The following SYS1 variants were observed in gnomAD, a reference collection of about 807,000 sequenced individuals.
SYS1 encodes protein SYS1 homolog.
A neutral mutation model predicts 17.8 loss-of-function variants in SYS1; 8 were observed. The observed-to-expected ratio is 0.45, with a 90% CI of 0.26 to 0.81. The LOEUF is 0.81. Ranked by LOEUF, SYS1 falls within the 40% of genes least tolerant of loss-of-function variation. SYS1 has a pLI of 0.16. For missense variants in SYS1, 161 were observed against 203.9 expected, an observed-to-expected ratio of 0.79 and a Z score of 1.28; for synonymous variants, 95 against 90.9, an observed-to-expected ratio of 1.05 and a Z score of -0.26.
Position 45,368,174 on chromosome 20 carries a change from A to G in SYS1, c.*1059A>G. The G allele has an allele frequency of 1.0e-6, 1 of 985,412 alleles. No individual in the cohort carries two copies. The highest frequency in any genetic ancestry group is 1.7e-5 in the African/African-American group (1 of 57,348). 61.0% of individuals were successfully genotyped at this position (985,412 alleles called of 1,614,324 possible). On this transcript the variant is annotated 3_prime_UTR_variant, in exon 4 of 4. Coordinates refer to ENST00000243918, the MANE Select transcript of SYS1 (RefSeq NM_033542.4). ...GAGATTGAGAGAGATCAGCGCAGCC[A>G]GGCAAGGGAACTTTAAAGAATTATT...
intron 2 of SYS1, 118 bp downstream of exon 2, chr20:45,363,811 A>G (rs563783689): frequency 1.7e-6 from 2 of 1,155,220 alleles, no homozygotes; most frequent in African/African-American, 1.5e-5. Flanking sequence ...GCCCTGGGAA[A>G]GGGATTTCAC....
chr20:45,373,784 T>TG, downstream of SYS1: 1 of 776,638 alleles, frequency 1.3e-6, no homozygotes, highest in South Asian at 1.6e-5. Flanking sequence ...GGGGTGGGGG[T>TG]GGGGGAAGCC....
Position 45,367,025 on chromosome 20 carries a change from T to G in SYS1, c.381T>G (p.Ile127Met). 6.2e-7 allele frequency: 1 copy of G among 1,614,192 alleles called. No homozygotes were observed. Among genetic ancestry groups the G allele is most frequent in the Non-Finnish European group, 8.5e-7 (1 of 1,180,036 alleles). ...GGTGGCTGGTCCAAGCCGTGTGCAT[T>G]GCACTCATGGCTGTCATCGGGGAGT... is the stretch of plus-strand genomic sequence containing the variant. ...LTWWLVQAVC[I>M]ALMAVIGEYL... Residue 127 changes from isoleucine to methionine, a missense_variant, in exon 4 of 4, where the codon ATT becomes ATG. By Grantham distance (10) the Ile-to-Met change is conservative. Transcript: ENST00000243918.
At chr20:45,374,591 T>C (rs958579188) in exon 4 of SYS1, 1 of 464,276 alleles carries the variant, frequency 2.2e-6, no homozygotes, top group South Asian at 4.8e-5. Context: ...TAAATCTTAT[T>C]TGAGGCATGA....
intron 1 of SYS1, 26 bp downstream of exon 1, chr20:45,363,341 G>A: frequency 7.0e-7 from 1 of 1,422,316 alleles, no homozygotes; most frequent in South Asian, 1.5e-5. Context: ...AGGAGCTCGT[G>A]TACGGGCGGG....
chr20:45,363,353 GC>G (rs1988284921), intron 1 of SYS1, 38 bp downstream of exon 1: 2 of 1,425,946 alleles, frequency 1.4e-6, no homozygotes, highest in Admixed American at 2.8e-5. Context: ...ACGGGCGGGG[GC>G]CGCGCAGGCG....
In SYS1 at chr20:45,368,306, T is replaced by G. The variant is rs1988484045; in HGVS notation, c.*1191T>G. On this transcript the variant is annotated 3_prime_UTR_variant, in exon 4 of 4. Coordinates refer to ENST00000243918, the MANE Select transcript of SYS1 (RefSeq NM_033542.4). ...TGTCTCCTTCACTTGCAGCGTCCCC[T>G]GCTATGCCTCAGGTGAACCACATAA... 1 of 985,354 alleles carries G rather than the reference T, an allele frequency of 1.0e-6. No homozygotes were observed. The allele number at this position is 985,354 out of a possible 1,614,324, so 61.0% of individuals were successfully genotyped here. A position where few individuals can be genotyped will look rare whatever the true frequency, so the allele number is the denominator to read the frequency against.
At chr20:45,371,624 G>A (rs565784175), downstream of SYS1, among the ~76,000 whole-genome samples, 95 of 152,306 alleles carry the variant, frequency 6.2e-4, 1 homozygote, top group South Asian at 3.5e-3. Context: ...TGCTTTTCAC[G>A]TTCCAGTTAT....
downstream of SYS1, among the ~76,000 whole-genome samples, chr20:45,370,238 T>C (rs903846147): frequency 6.6e-6 from 1 of 152,048 alleles, no homozygotes; most frequent in African/African-American, 2.4e-5. Flanking sequence ...TGGCCAGAGA[T>C]TTTCAGATGA....
At position 45,367,554 on chromosome 20, in the gene SYS1, G is replaced by A. The variant is rs1198289305; in HGVS notation, c.*439G>A. 1 of 996,182 alleles carries A rather than the reference G, an allele frequency of 1.0e-6. No individual in the cohort carries two copies. Among genetic ancestry groups the A allele is most frequent in the Non-Finnish European group, 1.2e-6 (1 of 835,728 alleles). The allele number at this position is 996,182 out of a possible 1,614,324, so 61.7% of individuals were successfully genotyped here. ...TCACAGCAGTTACCTTTGCAGTGTT[G>A]CCGAATCACAGCAGTTCTGTTGGAG... is the stretch of plus-strand genomic sequence containing the variant. On this transcript the variant is annotated 3_prime_UTR_variant, in exon 4 of 4. Transcript: ENST00000243918.
exon 4 of SYS1, chr20:45,376,746 G>C (rs1988745176): frequency 6.7e-6 from 1 of 149,354 alleles, no homozygotes; most frequent in Non-Finnish European, 1.5e-5. Context: ...GTTTGAACTT[G>C]TCTCGGAGGC....
chr20:45,368,780 C>T lies in SYS1; in HGVS notation c.*1665C>T. On this transcript the variant is annotated 3_prime_UTR_variant, in exon 4 of 4. Transcript: ENST00000243918. ...TGACCTTCCCTGGGTTAATCAATTT[C>T]CCTCTAGACAACACAAACTGCAGGC... The T allele has an allele frequency of 1.0e-6, 1 of 985,390 alleles. No homozygotes were observed. 61.0% of individuals were successfully genotyped at this position (985,390 alleles called of 1,614,324 possible). A position where few individuals can be genotyped will look rare whatever the true frequency, so the allele number is the denominator to read the frequency against.
chr20:45,372,083 T>G (rs528377463), downstream of SYS1, among the ~76,000 whole-genome samples: 1 of 152,314 alleles, frequency 6.6e-6, no homozygotes, highest in South Asian at 2.1e-4. Flanking sequence ...CCTCCCCAAA[T>G]CTGTGTTACT....
intron 1 of SYS1, 87 bp downstream of exon 1, chr20:45,363,402 TG>T (rs1988286584): frequency 1.4e-6 from 2 of 1,443,620 alleles, no homozygotes; most frequent in Non-Finnish European, 9.1e-7. Context: ...AGAATGGGTC[TG>T]TCTGCCCCGC....
intron 2 of SYS1, 120 bp from the exon 3 acceptor site, chr20:45,365,499 T>G (rs759708917): frequency 1.1e-6 from 1 of 912,616 alleles, no homozygotes; most frequent in Non-Finnish European, 1.9e-6. Context: ...CGTACAGATG[T>G]AGGGAGGTAT....
At chr20:45,374,599 T>A in exon 4 of SYS1, 2 of 460,642 alleles carry the variant, frequency 4.3e-6, no homozygotes, top group Non-Finnish European at 7.6e-6. Context: ...ATTTGAGGCA[T>A]GAATCAATCA....
At chr20:45,363,382 C>G in intron 1 of SYS1, 67 bp downstream of exon 1, 3 of 1,433,588 alleles carry the variant, frequency 2.1e-6, no homozygotes, top group Non-Finnish European at 2.7e-6. Flanking sequence ...CTGGATTTCC[C>G]CTCACTCTGA....
At position 45,363,157 on chromosome 20, in the gene SYS1, T is replaced by G; in HGVS notation, c.-162T>G. On this transcript the variant is annotated 5_prime_UTR_variant, in exon 1 of 4. Transcript: ENST00000243918. ...CCGCTGCTTTCCCCGGAAACGTTTC[T>G]TTCCTACGCAGCCGCTCCTGCCGCC... The G allele has an allele frequency of 9.7e-7, 1 of 1,029,480 alleles. No individual in the cohort carries two copies. Among genetic ancestry groups the G allele is most frequent in the Non-Finnish European group, 1.2e-6 (1 of 856,018 alleles). The allele number at this position is 1,029,480 out of a possible 1,614,324, so 63.8% of individuals were successfully genotyped here. A position where few individuals can be genotyped will look rare whatever the true frequency, so the allele number is the denominator to read the frequency against.
At chr20:45,373,291 C>G (rs1988612835), downstream of SYS1, 1 of 156,626 alleles carries the variant, frequency 6.4e-6, no homozygotes, top group African/African-American at 2.4e-5. Context: ...TACCAGCTCC[C>G]CCTCCTGATC....
Sources: allele counts gnomAD v4.1 joint callset (sites outside exome capture counted in the v4.1 genomes callset), GRCh38; gene constraint gnomAD v4.1.1; transcripts MANE v1.5; gene names NCBI Gene and HGNC (gene_info 2026-07-23, HGNC 2026-07-21).